Variants in ZNF211 observed in about 807,000 individuals in gnomAD.
ZNF211 encodes zinc finger protein 211.
A neutral mutation model predicts 12.1 loss-of-function variants in ZNF211; 18 were observed. The ratio of observed to expected loss-of-function variants is 1.48; its 90% confidence interval spans 1.03 to 2.20. The LOEUF (loss-of-function observed/expected upper bound fraction) is 2.20. Among genes scored for constraint, ZNF211 ranks in the 30% most tolerant of loss-of-function variants. The pLI, the probability that ZNF211 is intolerant of heterozygous loss-of-function variation, is 0.00. For missense variants in ZNF211, 677 were observed against 703.1 expected (o/e 0.96, Z 0.42); for synonymous variants, 249 against 246.0 (o/e 1.01, Z -0.11).
chr19:57,633,782 G>A, intron 1 of ZNF211: 1 of 1,543,170 alleles, frequency 6.5e-7, no homozygotes, highest in Non-Finnish European at 8.7e-7. Flanking sequence ...AAAATCCTCT[G>A]CAGGCTGTTC....
At chr19:57,639,947 C>G in intron 3 of ZNF211, 1 of 1,530,978 alleles carries the variant, frequency 6.5e-7, no homozygotes. Flanking sequence ...AGTTGCTCAA[C>G]TAGGGCTAGG....
chr19:57,643,535 C>T lies in ZNF211; in HGVS notation c.*1354C>T, dbSNP rs1983202905. 6.6e-6 allele frequency among the ~76,000 whole-genome samples: 1 copy of T among 152,136 alleles called. No homozygotes were observed. Among genetic ancestry groups the T allele is most frequent in the African/African-American group, 2.4e-5 (1 of 41,428 alleles). On this transcript the variant is annotated 3_prime_UTR_variant, in exon 4 of 4. Coordinates refer to ENST00000240731, the MANE Select transcript of ZNF211 (RefSeq NM_006385.5). ...TCCTTCCAGGAATGTGACTTTGTAA[C>T]CTACCATCATCCTGTGTTTAAATGA...
At position 57,639,826 on chromosome 19, in the gene ZNF211, T is replaced by G. The variant is rs558577946; in HGVS notation, c.257-878T>G. 176 of 1,349,192 alleles carry G rather than the reference T, an allele frequency of 1.3e-4. No individual in the cohort carries two copies. In the African/African-American group the frequency reaches 2.4e-3, roughly 19 times the overall value. 83.6% of individuals were successfully genotyped at this position (1,349,192 alleles called of 1,614,324 possible). A position where few individuals can be genotyped will look rare whatever the true frequency, so the allele number is the denominator to read the frequency against. On this transcript the variant is annotated intron_variant, in intron 3 of 3. Transcript: ENST00000240731. ...ACTCTAACTTGAATTTATACAAACTTAACTTCTTTAACTTTCCTTGTTCTT... is the reference window on the plus strand; with the variant it reads ...ACTCTAACTTGAATTTATACAAACTGAACTTCTTTAACTTTCCTTGTTCTT...
At position 57,642,269 on chromosome 19, in the gene ZNF211, C is replaced by T. The variant is rs1983080072; in HGVS notation, c.*88C>T. 1.4e-6 allele frequency: 2 copies of T among 1,415,620 alleles called. No individual in the cohort carries two copies. The highest frequency in any genetic ancestry group is 1.9e-6 in the Non-Finnish European group (2 of 1,052,834). 87.7% of individuals were successfully genotyped at this position (1,415,620 alleles called of 1,614,324 possible). ...GAGACAAGTACCTGATTTGGAAGCC[C>T]CAACATCTAAGGATATACAGTGGGC... On this transcript the variant is annotated 3_prime_UTR_variant, in exon 4 of 4. Coordinates refer to ENST00000240731, the MANE Select transcript of ZNF211 (RefSeq NM_006385.5).
chr19:57,633,636 G>A (rs1981731703), intron 1 of ZNF211, 200 bp downstream of exon 1: 8 of 1,533,828 alleles, frequency 5.2e-6, no homozygotes, highest in Admixed American at 2.0e-5. Context: ...CAACCGAGAA[G>A]GGGGCATTCA....
Position 57,641,953 on chromosome 19 carries a change from C to G in ZNF211, c.1506C>G (p.Ser502=), listed in dbSNP as rs547073759. ...RPVECSECSK[S]FSCKSNLIKH... Reference sequence around the variant, plus strand: ...TTGAGTGCAGTGAATGTAGCAAATCCTTTAGCTGTAAATCTAACCTCATTA... The same window carrying G: ...TTGAGTGCAGTGAATGTAGCAAATCGTTTAGCTGTAAATCTAACCTCATTA... The change falls in exon 4 of 4, where the codon TCC becomes TCG. Residue 502 remains serine (S), a synonymous_variant. Transcript: ENST00000240731. The G allele has an allele frequency of 3.8e-5, 62 of 1,613,870 alleles. No individual in the cohort carries two copies. In the South Asian group the frequency reaches 5.7e-4, roughly 15 times the overall value.
Position 57,633,265 on chromosome 19 carries a change from G to C in ZNF211, c.-82G>C, listed in dbSNP as rs573805036. On this transcript the variant is annotated 5_prime_UTR_variant, in exon 1 of 4. Coordinates refer to ENST00000240731, the MANE Select transcript of ZNF211 (RefSeq NM_006385.5). ...CGCTTTGGTACGCTGCATCGGGATC[G>C]AAGTGACGGACCGTGAAGGCGCGAG... is the stretch of plus-strand genomic sequence containing the variant. 3 of 1,315,958 alleles carry C rather than the reference G, an allele frequency of 2.3e-6. No homozygotes were observed. Among genetic ancestry groups the C allele is most frequent in the Non-Finnish European group, 3.0e-6 (3 of 985,428 alleles). 81.5% of individuals were successfully genotyped at this position (1,315,958 alleles called of 1,614,324 possible). A position where few individuals can be genotyped will look rare whatever the true frequency, so the allele number is the denominator to read the frequency against.
chr19:57,641,254 T>C lies in ZNF211; in HGVS notation c.807T>C (p.Leu269=), dbSNP rs1181771321. 6.2e-7 allele frequency: 1 copy of C among 1,614,108 alleles called. No homozygotes were observed. The highest frequency in any genetic ancestry group is 1.7e-5 in the Admixed American group (1 of 60,014). Residue 269 remains leucine, a synonymous_variant, in exon 4 of 4, where the codon CTT becomes CTC. Transcript: ENST00000240731. ...QDQRILTREG[L]FECSKCGKAC... is the part of the protein sequence containing the mutation. ...AGAGAATCCTCACTAGAGAAGGACT[T>C]TTTGAGTGCAGTAAATGTGGGAAAG...
chr19:57,640,318 A>G (rs1452996695), intron 3 of ZNF211, among the ~76,000 whole-genome samples: 1 of 152,156 alleles, frequency 6.6e-6, no homozygotes, highest in East Asian at 1.9e-4. Flanking sequence ...TGAAGTGTGC[A>G]TATCTCCCTT....
chr19:57,634,889 A>G, intron 3 of ZNF211, 134 bp downstream of exon 3: 2 of 1,296,474 alleles, frequency 1.5e-6, no homozygotes, highest in Non-Finnish European at 2.0e-6. Flanking sequence ...GATGTTGTGG[A>G]CTGAGTGCAA....
rs1982001712 is a variant in ZNF211 at position 57,635,357 on chromosome 19, A to G, written c.256+602A>G. ...ACCATCACCACCATCCTTCTATAGT[A>G]CTTTTTCATCTTATAAAACTGAAAC... On this transcript the variant is annotated intron_variant, in intron 3 of 3. Coordinates refer to ENST00000240731, the MANE Select transcript of ZNF211 (RefSeq NM_006385.5). Among the ~76,000 whole-genome samples, 3 of 152,216 alleles carry G rather than the reference A, an allele frequency of 2.0e-5. No individual in the cohort carries two copies. The South Asian group carries it at 6.2e-4, about 32-fold the overall frequency.
In ZNF211 at chr19:57,633,708, C is replaced by T. The variant is rs1471304082; in HGVS notation, c.90+272C>T. The T allele has an allele frequency of 8.5e-6, 13 of 1,533,392 alleles. No homozygotes were observed. The East Asian group carries it at 1.7e-4, about 20-fold the overall frequency. 95.0% of individuals were successfully genotyped at this position (1,533,392 alleles called of 1,614,324 possible). On this transcript the variant is annotated intron_variant, in intron 1 of 3. Coordinates refer to ENST00000240731, the MANE Select transcript of ZNF211 (RefSeq NM_006385.5). ...AGTTTGAGAGAGATCTACCTTTATT[C>T]TTAGGGCCGTGGGAGCCATAGAGAG...
chr19:57,634,566 A>C (rs532829217), intron 2 of ZNF211, 63 bp from the exon 3 acceptor site: 328 of 1,469,018 alleles, frequency 2.2e-4, no homozygotes, highest in Non-Finnish European at 2.7e-4. Flanking sequence ...ATGTATGGGG[A>C]CATGGATTTT....
chr19:57,641,762 G>A lies in ZNF211; in HGVS notation c.1315G>A (p.Glu439Lys). ...ACTTCACACTGGAGAAAGACCCTAT[G>A]AGTGCAGTAAATGTGGGAAGTCATT... The part of the protein sequence containing the change: ...RRLHTGERPY[E>K]CSKCGKSFKQ... The change falls in exon 4 of 4, where the codon GAG (glutamate) becomes AAG (lysine). Residue 439 changes from glutamate to lysine, a missense_variant. Transcript: ENST00000240731. 6.2e-7 allele frequency: 1 copy of A among 1,614,028 alleles called. No homozygotes were observed. Among genetic ancestry groups the A allele is most frequent in the South Asian group, 1.1e-5 (1 of 91,078 alleles).
intron 3 of ZNF211, among the ~76,000 whole-genome samples, chr19:57,638,108 A>G (rs989111939): frequency 1.3e-5 from 2 of 152,050 alleles, no homozygotes; most frequent in African/African-American, 2.4e-5. Flanking sequence ...CATGTTGGCC[A>G]GGCTGGTCTT....
chr19:57,639,852 T>C, intron 3 of ZNF211: 1 of 1,442,132 alleles, frequency 6.9e-7, no homozygotes, highest in Non-Finnish European at 9.1e-7. Context: ...CCTTGTTCTT[T>C]TTTGTGCCGT....
rs1200748017 is a variant in ZNF211 at position 57,643,852 on chromosome 19, CTT to C, written c.*1677_*1678del. 6.6e-6 allele frequency among the ~76,000 whole-genome samples: 1 copy of C among 151,992 alleles called. No homozygotes were observed. The highest frequency in any genetic ancestry group is 1.5e-5 in the Non-Finnish European group (1 of 67,992). ...ATATATGATTTTATTAATAAAATGT[CTT>C]TTTTTCCAGTTTCATTCATGATGCA... On this transcript the variant is annotated 3_prime_UTR_variant, in exon 4 of 4. Coordinates refer to ENST00000240731, the MANE Select transcript of ZNF211 (RefSeq NM_006385.5).
chr19:57,636,392 T>G (rs1982144920), intron 3 of ZNF211, among the ~76,000 whole-genome samples: 1 of 151,980 alleles, frequency 6.6e-6, no homozygotes, highest in Non-Finnish European at 1.5e-5. Flanking sequence ...TTTGATCTGT[T>G]TTGAATTAAT....
chr19:57,639,866 G>T, intron 3 of ZNF211: 1 of 1,494,014 alleles, frequency 6.7e-7, no homozygotes, highest in South Asian at 1.3e-5. Flanking sequence ...GTGCCGTGTT[G>T]TTCTGGGCCA....
Sources: allele counts gnomAD v4.1 joint callset (sites outside exome capture counted in the v4.1 genomes callset), GRCh38; gene constraint gnomAD v4.1.1; transcripts MANE v1.5; gene names NCBI Gene and HGNC (gene_info 2026-07-23, HGNC 2026-07-21).